Variants in TBXAS1 observed in about 807,000 individuals in gnomAD.
The protein encoded by TBXAS1 is thromboxane-A synthase.
Under a neutral mutation model 60.7 loss-of-function variants are expected in TBXAS1, and 48 were observed. The observed-to-expected ratio is 0.79, with a 90% CI of 0.63 to 1.01. The LOEUF is 1.01. Among genes scored for constraint, TBXAS1 ranks in the 50% least tolerant of loss-of-function variants. The pLI, the probability that TBXAS1 is intolerant of heterozygous loss-of-function variation, is 0.00. For missense variants in TBXAS1, 685 were observed against 686.3 expected, an observed-to-expected ratio of 1.00 and a Z score of 0.02; for synonymous variants, 287 against 269.7, an observed-to-expected ratio of 1.06 and a Z score of -0.63.
At chr7:140,005,158 G>C (rs1197939422) in intron 9 of TBXAS1, among the ~76,000 whole-genome samples, 1 of 152,268 alleles carries the variant, frequency 6.6e-6, no homozygotes, top group Non-Finnish European at 1.5e-5. Flanking sequence ...TCCGGGTGCA[G>C]TGGCTCACGC....
At chr7:139,898,484 A>G (rs545863939) in intron 3 of TBXAS1, among the ~76,000 whole-genome samples, 1 of 135,092 alleles carries the variant, frequency 7.4e-6, no homozygotes, top group South Asian at 2.4e-4. Context: ...GCTGGAAAGC[A>G]ATGGCGCAAT....
At chr7:139,918,730 G>C (rs1463607827) in intron 4 of TBXAS1, among the ~76,000 whole-genome samples, 1 of 152,134 alleles carries the variant, frequency 6.6e-6, no homozygotes, top group Admixed American at 6.5e-5. Flanking sequence ...AGCTGAAGCT[G>C]ACTAGGCAGA....
intron 4 of TBXAS1, among the ~76,000 whole-genome samples, chr7:139,912,730 G>A (rs1216051535): frequency 6.6e-6 from 1 of 152,174 alleles, no homozygotes. Context: ...TTGGGGCTGA[G>A]TCTTAAAGAA....
chr7:139,866,577 G>A (rs946614356), intron 1 of TBXAS1, among the ~76,000 whole-genome samples: 4 of 145,646 alleles, frequency 2.7e-5, no homozygotes, highest in Non-Finnish European at 6.0e-5. Flanking sequence ...AACATAGTGA[G>A]ACCCTGTTTC....
chr7:139,792,412 A>G (rs1220401578), intron 4 of TBXAS1, among the ~76,000 whole-genome samples: 1 of 152,148 alleles, frequency 6.6e-6, no homozygotes, highest in Non-Finnish European at 1.5e-5. Context: ...TGGTTTGTTT[A>G]CTGGCCTGCA....
At position 140,002,655 on chromosome 7, in the gene TBXAS1, G is replaced by A. The variant is rs532304985; in HGVS notation, c.1135-4436G>A. On this transcript the variant is annotated intron_variant, in intron 9 of 12. Transcript: ENST00000448866. ...TCTGCCTCATCCGTTCATTCCTCAG[G>A]TGTGGAGAAGCGCTAGGGTAGGTCT... is the stretch of plus-strand genomic sequence containing the variant. Among the ~76,000 whole-genome samples, 35 of 152,290 alleles carry A rather than the reference G, an allele frequency of 2.3e-4. No homozygotes were observed. The South Asian group carries it at 7.2e-3, about 32-fold the overall frequency.
intron 4 of TBXAS1, among the ~76,000 whole-genome samples, chr7:139,814,271 AACCCT>A: frequency 6.6e-6 from 1 of 152,340 alleles, no homozygotes; most frequent in Non-Finnish European, 1.5e-5. Flanking sequence ...ACATGGTTCC[AACCCT>A]CACCCTCTCA....
At chr7:139,873,825 A>C (rs1030949257) in intron 2 of TBXAS1, among the ~76,000 whole-genome samples, 5 of 152,040 alleles carry the variant, frequency 3.3e-5, no homozygotes, top group Non-Finnish European at 7.4e-5. Flanking sequence ...CTGACTCCAG[A>C]CCCAACGCCA....
intron 11 of TBXAS1, 48 bp from the exon 12 acceptor site, chr7:140,017,623 G>C: frequency 6.2e-7 from 1 of 1,608,100 alleles, no homozygotes; most frequent in South Asian, 1.1e-5. Context: ...GGCTGCAGAG[G>C]GGAGGGAGCG....
At position 139,829,442 on chromosome 7, in the gene TBXAS1, G is replaced by T. The variant is rs1798565346; in HGVS notation, c.52G>T (p.Val18Leu). ...GGAAGTGAATGGCCCCATGGTGACG[G>T]TGGCCCTGTCAGTGGCTCTCTTGGC... Reference protein sequence around the residue: ...KLEVNGPMVTVALSVALLALL... With the variant: ...KLEVNGPMVTLALSVALLALL... The change falls in exon 1 of 13, where the codon GTG becomes TTG. Residue 18 changes from valine to leucine, a missense_variant. Coordinates refer to ENST00000448866, the MANE Select transcript of TBXAS1 (RefSeq NM_001061.7). 1 of 1,614,048 alleles carries T rather than the reference G, an allele frequency of 6.2e-7. No homozygotes were observed. Among genetic ancestry groups the T allele is most frequent in the Non-Finnish European group, 8.5e-7 (1 of 1,179,996 alleles).
intron 5 of TBXAS1, chr7:139,952,508 T>C (rs1584939194): frequency 1.3e-6 from 2 of 1,533,220 alleles, no homozygotes; most frequent in Non-Finnish European, 1.7e-6. Context: ...GATGCTATTC[T>C]AGAATGGGCA....
intron 8 of TBXAS1, among the ~76,000 whole-genome samples, chr7:139,959,968 T>C (rs938021462): frequency 6.6e-6 from 1 of 152,074 alleles, no homozygotes; most frequent in Non-Finnish European, 1.5e-5. Context: ...CCAGCGCCCA[T>C]TGACCGAGCA....
chr7:139,877,228 A>G (rs1802308194), intron 3 of TBXAS1, among the ~76,000 whole-genome samples: 1 of 152,146 alleles, frequency 6.6e-6, no homozygotes, highest in South Asian at 2.1e-4. Flanking sequence ...TCTTTAAATA[A>G]CAAGCAACCC....
chr7:140,014,134 T>C (rs774419288), intron 10 of TBXAS1, among the ~76,000 whole-genome samples: 2 of 152,112 alleles, frequency 1.3e-5, no homozygotes, highest in Non-Finnish European at 2.9e-5. Flanking sequence ...GAAGACTGGA[T>C]TGCAAAGAGG....
intron 4 of TBXAS1, among the ~76,000 whole-genome samples, chr7:139,798,406 G>A (rs1797626213): frequency 6.6e-6 from 1 of 152,204 alleles, no homozygotes. Flanking sequence ...AGCAGAGGAA[G>A]CCAGGTGTAT....
chr7:140,006,764 C>T (rs897026576), intron 9 of TBXAS1, among the ~76,000 whole-genome samples: 3 of 152,172 alleles, frequency 2.0e-5, no homozygotes, highest in African/African-American at 7.2e-5. Flanking sequence ...GCATCAAATG[C>T]GGTAACGTCT....
Position 139,953,413 on chromosome 7 carries a change from T to C in TBXAS1, c.496T>C (p.Leu166=). ...AGCCTGCGACCTTCTCCTGGCTCAT[T>C]TAAAACGCTATGCGGAATCTGGGGA... ...SQACDLLLAH[L]KRYAESGDAF... is the part of the protein sequence containing the mutation. Residue 166 remains leucine, a synonymous_variant, in exon 6 of 13, where the codon TTA becomes CTA. Coordinates refer to ENST00000448866, the MANE Select transcript of TBXAS1 (RefSeq NM_001061.7). 6.2e-7 allele frequency: 1 copy of C among 1,614,224 alleles called. No homozygotes were observed. The highest frequency in any genetic ancestry group is 8.5e-7 in the Non-Finnish European group (1 of 1,180,038).
chr7:139,842,469 G>T (rs6952056), intron 1 of TBXAS1, among the ~76,000 whole-genome samples: 96,801 of 152,086 alleles, frequency 0.64, 32,278 homozygotes, highest in East Asian at 0.92. Context: ...GGAAGTACGC[G>T]GTCTATGGGA....
rs1810417799 is a variant in TBXAS1 at position 139,962,146 on chromosome 7, A to C, written c.1047A>C (p.Thr349=). Residue 349 remains threonine (T), a synonymous_variant, in exon 9 of 13, where the codon ACA becomes ACC. Transcript: ENST00000448866. ...LIAGYEIITN[T]LSFATYLLAT... ...CTGGCTATGAAATCATCACCAACAC[A>C]CTTTCTTTTGCCACCTACCTACTGG... 6.2e-7 allele frequency: 1 copy of C among 1,613,892 alleles called. No homozygotes were observed.
Sources: allele counts gnomAD v4.1 joint callset (sites outside exome capture counted in the v4.1 genomes callset), GRCh38; gene constraint gnomAD v4.1.1; transcripts MANE v1.5; gene names NCBI Gene and HGNC (gene_info 2026-07-23, HGNC 2026-07-21).